The following DMRT1 variants were observed in gnomAD, a reference collection of about 807,000 sequenced individuals.
DMRT1 encodes doublesex and mab-3 related transcription factor 1.
Under a neutral mutation model 32.3 loss-of-function variants are expected in DMRT1, and 7 were observed. The observed-to-expected ratio is 0.22, with a 90% confidence interval of 0.12 to 0.41. DMRT1 has a LOEUF of 0.41. Among genes scored for constraint, DMRT1 ranks in the 10% least tolerant of loss-of-function variants. DMRT1 has a pLI of 1.00. For missense variants in DMRT1, 625 were observed against 500.5 expected (o/e 1.25, Z -2.37); for synonymous variants, 278 against 206.1 (o/e 1.35, Z -2.99).
At chr9:881,192 G>T (rs921621636) in intron 2 of DMRT1, among the ~76,000 whole-genome samples, 1 of 152,164 alleles carries the variant, frequency 6.6e-6, no homozygotes, top group Non-Finnish European at 1.5e-5. Context: ...TTGGTAGGGA[G>T]GGGGCTCTCC....
rs192120199 is a variant in DMRT1 at position 902,732 on chromosome 9, G to A, written c.822+8537G>A. Reference sequence around the variant, plus strand: ...TCGAACTCCTCACCTCGAGTGATCCGCCCACCTCAGCTTCCCAAAGTGCTG... The same window carrying A: ...TCGAACTCCTCACCTCGAGTGATCCACCCACCTCAGCTTCCCAAAGTGCTG... On this transcript the variant is annotated intron_variant, in intron 3 of 4. Coordinates refer to ENST00000382276, the MANE Select transcript of DMRT1 (RefSeq NM_021951.3). 2.7e-4 allele frequency among the ~76,000 whole-genome samples: 41 copies of A among 151,896 alleles called. 1 individual carries two copies. The highest frequency in any genetic ancestry group is 7.0e-4 in the African/African-American group (29 of 41,340).
intron 2 of DMRT1, among the ~76,000 whole-genome samples, chr9:872,727 A>G (rs893099218): frequency 6.6e-6 from 1 of 152,218 alleles, no homozygotes; most frequent in Admixed American, 6.5e-5. Flanking sequence ...TCATCAGTTA[A>G]TGGAAAACAT....
chr9:869,409 G>C (rs914452684), intron 2 of DMRT1, among the ~76,000 whole-genome samples: 2 of 152,164 alleles, frequency 1.3e-5, no homozygotes, highest in African/African-American at 4.8e-5. Context: ...GCTGTTCTCC[G>C]TAGGAATTAC....
At chr9:842,419 G>C (rs1838728547) in intron 1 of DMRT1, 1 of 600,568 alleles carries the variant, frequency 1.7e-6, no homozygotes, top group Non-Finnish European at 2.9e-6. Context: ...ATTTTTAGTA[G>C]AGACGGGGGT....
At chr9:909,780 A>G (rs1242049862) in intron 3 of DMRT1, among the ~76,000 whole-genome samples, 3 of 152,108 alleles carry the variant, frequency 2.0e-5, no homozygotes, top group Non-Finnish European at 4.4e-5. Context: ...CAGGGCAAAC[A>G]TAGCTTACTG....
At chr9:952,348 A>G (rs1819454887) in intron 4 of DMRT1, among the ~76,000 whole-genome samples, 1 of 152,208 alleles carries the variant, frequency 6.6e-6, no homozygotes, top group Admixed American at 6.5e-5. Context: ...TTTTCCTTAG[A>G]GTACTCGGCT....
intron 4 of DMRT1, among the ~76,000 whole-genome samples, chr9:946,629 C>T (rs935659796): frequency 9.2e-5 from 14 of 152,176 alleles, no homozygotes; most frequent in African/African-American, 2.9e-4. Flanking sequence ...ACAGAGGTTC[C>T]GGTAAAGAGC....
chr9:961,752 GAT>G (rs1370779725), intron 4 of DMRT1, among the ~76,000 whole-genome samples: 2 of 152,184 alleles, frequency 1.3e-5, no homozygotes, highest in Non-Finnish European at 2.9e-5. Flanking sequence ...ACTAAATCCT[GAT>G]ATGATTCTGA....
At position 841,701 on chromosome 9, in the gene DMRT1, C is replaced by T. The variant is rs1316886735; in HGVS notation, c.-138C>T. On this transcript the variant is annotated 5_prime_UTR_variant, in exon 1 of 5. Transcript: ENST00000382276. ...GTGGCGTGCCCAGACCTCGCCACTC[C>T]AGCTGCGCCTCCGGCTGCAGCGCAC... 22 of 1,526,858 alleles carry T rather than the reference C, an allele frequency of 1.4e-5. No homozygotes were observed. The South Asian group carries it at 2.7e-4, about 18-fold the overall frequency. 94.6% of individuals were successfully genotyped at this position (1,526,858 alleles called of 1,614,324 possible).
chr9:921,568 C>G (rs1482111329), intron 4 of DMRT1, among the ~76,000 whole-genome samples: 1 of 152,118 alleles, frequency 6.6e-6, no homozygotes, highest in Admixed American at 6.6e-5. Flanking sequence ...GAACATGTTA[C>G]TGTTTTTCAC....
chr9:941,095 A>G (rs1819050729), intron 4 of DMRT1, among the ~76,000 whole-genome samples: 3 of 152,184 alleles, frequency 2.0e-5, no homozygotes, highest in Non-Finnish European at 4.4e-5. Flanking sequence ...GTGAAGTGCT[A>G]TAGCCTTTAT....
rs148981400 is a variant in DMRT1 at position 871,802 on chromosome 9, A to G, written c.539-22110A>G. Among the ~76,000 whole-genome samples the G allele has an allele frequency of 3.4e-3, 516 of 151,156 alleles. 30 individuals are homozygous for G. The highest frequency in any genetic ancestry group is 0.012 in the African/African-American group (469 of 40,616). ...CTAGTCTTTGAACTCTTAAAGCTGC[A>G]TTTCTTTTGGAAGATGGCCCAGCAT... On this transcript the variant is annotated intron_variant, in intron 2 of 4. Transcript: ENST00000382276.
intron 4 of DMRT1, among the ~76,000 whole-genome samples, chr9:922,836 A>G (rs1350940124): frequency 6.6e-6 from 1 of 152,174 alleles, no homozygotes; most frequent in Non-Finnish European, 1.5e-5. Context: ...CATTTAACAC[A>G]CAGAGGTTGT....
intron 2 of DMRT1, among the ~76,000 whole-genome samples, chr9:850,087 G>C (rs542958818): frequency 6.6e-6 from 1 of 152,198 alleles, no homozygotes; most frequent in African/African-American, 2.4e-5. Context: ...CCAAAGTTCT[G>C]GGATTACAGG....
chr9:856,020 GAT>G (rs1815384334), intron 2 of DMRT1, among the ~76,000 whole-genome samples: 1 of 152,018 alleles, frequency 6.6e-6, no homozygotes, highest in East Asian at 1.9e-4. Flanking sequence ...AGGTTCAAGC[GAT>G]TCTCCTGCTT....
intron 2 of DMRT1, among the ~76,000 whole-genome samples, chr9:892,128 C>G (rs1470984391): frequency 6.6e-6 from 1 of 152,192 alleles, no homozygotes; most frequent in Non-Finnish European, 1.5e-5. Flanking sequence ...CCCTGAAGAC[C>G]TAGTTGTCTG....
intron 2 of DMRT1, among the ~76,000 whole-genome samples, chr9:865,644 C>G: frequency 6.6e-6 from 1 of 152,204 alleles, no homozygotes; most frequent in Non-Finnish European, 1.5e-5. Flanking sequence ...TGAACAGATA[C>G]AACAAGAATT....
chr9:871,268 T>G (rs1288553954), intron 2 of DMRT1, among the ~76,000 whole-genome samples: 2 of 151,534 alleles, frequency 1.3e-5, no homozygotes, highest in Non-Finnish European at 2.9e-5. Flanking sequence ...GCTCGAGCAA[T>G]TCTCCACCTT....
At chr9:949,282 C>T (rs1004410432) in intron 4 of DMRT1, among the ~76,000 whole-genome samples, 10 of 151,966 alleles carry the variant, frequency 6.6e-5, no homozygotes, top group South Asian at 2.1e-4. Context: ...AGGAGGATCT[C>T]GCTTGAGCCC....
Sources: gnomAD v4.1 joint callset for allele counts (sites outside exome capture counted in the v4.1 genomes callset) on GRCh38, gnomAD v4.1.1 for gene constraint, MANE v1.5 for transcripts, NCBI Gene and HGNC (gene_info 2026-07-23, HGNC 2026-07-21) for gene names.